PTPRC: variants seen among roughly 807,000 people sequenced by gnomAD.
PTPRC encodes the protein receptor-type tyrosine-protein phosphatase C.
Under a neutral mutation model 155.9 loss-of-function variants are expected in PTPRC, and 44 were observed. The observed-to-expected ratio is 0.28, with a 90% CI of 0.22 to 0.36. The LOEUF is 0.36. Among genes scored for constraint, PTPRC ranks in the 10% least tolerant of loss-of-function variants. The pLI is 1.00. For missense variants in PTPRC, 1,401 were observed against 1,564.6 expected (o/e 0.90, Z 1.76); for synonymous variants, 525 against 533.1 (o/e 0.98, Z 0.21).
At chr1:198,671,526 A>C (rs2102294065) in intron 2 of PTPRC, among the ~76,000 whole-genome samples, 1 of 152,270 alleles carries the variant, frequency 6.6e-6, no homozygotes, top group South Asian at 2.1e-4. Context: ...TTAGGGTGAA[A>C]TCAACTACTC....
At chr1:198,713,318 A>G (rs1009947786) in intron 12 of PTPRC, among the ~76,000 whole-genome samples, 1 of 152,218 alleles carries the variant, frequency 6.6e-6, no homozygotes, top group African/African-American at 2.4e-5. Flanking sequence ...TTTGTGCTCC[A>G]AAGCCTAGAG....
chr1:198,669,176 A>G (rs1664504783), intron 2 of PTPRC, among the ~76,000 whole-genome samples: 2 of 152,252 alleles, frequency 1.3e-5, no homozygotes, highest in African/African-American at 2.4e-5. Flanking sequence ...CATAGTAACC[A>G]CAAAAATGAA....
In PTPRC at chr1:198,741,886, T is replaced by C; in HGVS notation, c.2421T>C (p.Thr807=). ...TTGACTAGAAAAAAGAAAAAGCAAC[T>C]GGAAGAGAGGTGACTCACATTCAGT... The part of the protein sequence containing the change: ...LNIVNKKEKA[T]GREVTHIQFT... The change falls in exon 24 of 33, where the codon ACT becomes ACC. Residue 807 remains threonine, a synonymous_variant. Transcript: ENST00000442510. 1 of 1,611,764 alleles carries C rather than the reference T, an allele frequency of 6.2e-7. No homozygotes were observed.
rs868698846 is a variant in PTPRC, at chr1:198,731,715, G to C, written c.1963G>C (p.Ala655Pro). 6 of 1,601,290 alleles carry C rather than the reference G, an allele frequency of 3.7e-6. No individual in the cohort carries two copies. The highest frequency in any genetic ancestry group is 2.2e-5 in the East Asian group (1 of 44,684). The change falls in exon 18 of 33, where the codon GCT becomes CCT. Residue 655 changes from alanine (A) to proline (P), a missense_variant. Coordinates refer to ENST00000442510, the MANE Select transcript of PTPRC (RefSeq NM_002838.5). ...TGCTGATGAAGGAAGACTTTTTCTGGCTGAATTTCAGGTGTGTGTTGCTTT... is the reference window on the plus strand; with the variant it reads ...TGCTGATGAAGGAAGACTTTTTCTGCCTGAATTTCAGGTGTGTGTTGCTTT... ...KIADEGRLFL[A>P]EFQSIPRVFS...
chr1:198,718,398 A>C, intron 14 of PTPRC, 96 bp downstream of exon 14: 2 of 1,039,740 alleles, frequency 1.9e-6, no homozygotes, highest in Non-Finnish European at 2.9e-6. Context: ...CTCACATGAG[A>C]TTGAGAAGCT....
At chr1:198,672,539 G>C (rs558922672) in intron 2 of PTPRC, among the ~76,000 whole-genome samples, 1 of 151,976 alleles carries the variant, frequency 6.6e-6, no homozygotes, top group Non-Finnish European at 1.5e-5. Context: ...GCGCCATCTG[G>C]GCTCCCTGCA....
At chr1:198,750,764 C>G (rs764221650) in intron 29 of PTPRC, 138 bp downstream of exon 29, 51 of 1,110,440 alleles carry the variant, frequency 4.6e-5, no homozygotes, top group Non-Finnish European at 6.5e-5. Flanking sequence ...TCAGTCTTAC[C>G]CCTTTCACCC....
intron 20 of PTPRC, among the ~76,000 whole-genome samples, chr1:198,733,294 T>G (rs1403123137): frequency 6.6e-6 from 1 of 151,710 alleles, no homozygotes; most frequent in Non-Finnish European, 1.5e-5. Context: ...TATATGGTAA[T>G]TATGGTATCA....
chr1:198,690,941 G>T (rs1222858803), intron 2 of PTPRC, among the ~76,000 whole-genome samples: 1 of 152,026 alleles, frequency 6.6e-6, no homozygotes, highest in Non-Finnish European at 1.5e-5. Flanking sequence ...AAATCCAGTT[G>T]ACCCATGTTA....
At position 198,706,865 on chromosome 1, in the gene PTPRC, C is replaced by A. The variant is rs1474445832; in HGVS notation, c.817C>A (p.Leu273Ile). Reference protein sequence around the residue: ...NTCTNNEVHNLTECKNASVSI... With the variant: ...NTCTNNEVHNITECKNASVSI... ...TTGCACAAACAATGAGGTGCATAAC[C>A]TTACAGAATGTAAAAATGCGTCTGT... The change falls in exon 9 of 33, where the codon CTT (leucine) becomes ATT (isoleucine). Residue 273 changes from leucine to isoleucine, a missense_variant. Leu to Ile is a conservative substitution (Grantham distance 5). Transcript: ENST00000442510. The A allele has an allele frequency of 1.2e-6, 2 of 1,613,402 alleles. No individual in the cohort carries two copies. The highest frequency in any genetic ancestry group is 1.7e-5 in the Admixed American group (1 of 60,002).
intron 2 of PTPRC, among the ~76,000 whole-genome samples, chr1:198,672,963 T>A (rs1664733446): frequency 6.6e-6 from 1 of 152,224 alleles, no homozygotes; most frequent in Admixed American, 6.5e-5. Context: ...GAAGAGGGCC[T>A]TCATTATCAG....
intron 2 of PTPRC, among the ~76,000 whole-genome samples, chr1:198,647,102 T>C (rs1662980029): frequency 6.6e-6 from 1 of 151,916 alleles, no homozygotes; most frequent in African/African-American, 2.4e-5. Flanking sequence ...CATCTTTTTA[T>C]CAATGGTGCA....
chr1:198,734,556 CATTTA>C, intron 22 of PTPRC, 131 bp downstream of exon 22: 3 of 829,930 alleles, frequency 3.6e-6, no homozygotes, highest in South Asian at 1.5e-5. Context: ...TCAGTGTTAA[CATTTA>C]ATTTAAAATT....
Position 198,748,093 on chromosome 1 carries a change from T to G in PTPRC, c.2848-16T>G, listed in dbSNP as rs745554829. ...ACATTTTAAAGGAGTTTTTCTGTTT[T>G]TTTTTTTTTTTTCAGAGACTTCCTT... On this transcript the variant is annotated splice_polypyrimidine_tract_variant and intron_variant, in intron 26 of 32. Coordinates refer to ENST00000442510, the MANE Select transcript of PTPRC (RefSeq NM_002838.5). 23 of 1,552,374 alleles carry G rather than the reference T, an allele frequency of 1.5e-5. No individual in the cohort carries two copies. Among genetic ancestry groups the G allele is most frequent in the Admixed American group, 1.8e-5 (1 of 55,068 alleles).
chr1:198,733,480 G>A (rs1203994831), intron 20 of PTPRC, among the ~76,000 whole-genome samples: 2 of 151,854 alleles, frequency 1.3e-5, no homozygotes, highest in South Asian at 2.1e-4. Flanking sequence ...AATTAATGTT[G>A]AATTCTTGTG....
intron 2 of PTPRC, among the ~76,000 whole-genome samples, chr1:198,665,308 T>C (rs1484723300): frequency 1.3e-5 from 2 of 151,746 alleles, no homozygotes; most frequent in Admixed American, 1.3e-4. Flanking sequence ...TTCACCGCCC[T>C]GCTGCCTTTT....
At chr1:198,696,565 TATG>T (rs1050669320) in intron 3 of PTPRC, 144 bp from the exon 4 acceptor site, 12 of 726,774 alleles carry the variant, frequency 1.7e-5, no homozygotes, top group African/African-American at 3.5e-5. Flanking sequence ...TACATACACT[TATG>T]TATGGTGTGT....
At chr1:198,727,773 G>T (rs1041473045) in intron 15 of PTPRC, among the ~76,000 whole-genome samples, 1 of 152,044 alleles carries the variant, frequency 6.6e-6, no homozygotes, top group African/African-American at 2.4e-5. Context: ...GGAAAGGGCA[G>T]GATTTCACAT....
intron 2 of PTPRC, among the ~76,000 whole-genome samples, chr1:198,677,904 G>A (rs1453150897): frequency 1.3e-5 from 2 of 152,010 alleles, no homozygotes; most frequent in East Asian, 3.9e-4. Context: ...GTCATTCCGA[G>A]GAGAATATAA....
Sources: allele counts gnomAD v4.1 joint callset (sites outside exome capture counted in the v4.1 genomes callset), GRCh38; gene constraint gnomAD v4.1.1; transcripts MANE v1.5; gene names NCBI Gene and HGNC (gene_info 2026-07-23, HGNC 2026-07-21).